Variants in GRM8 observed in about 807,000 individuals in gnomAD.
The protein encoded by GRM8 is metabotropic glutamate receptor 8.
A neutral mutation model predicts 87.2 loss-of-function variants in GRM8; 47 were observed. The observed-to-expected ratio is 0.54, with a 90% CI of 0.43 to 0.69. The LOEUF is 0.69. Among genes scored for constraint, GRM8 ranks in the 30% least tolerant of loss-of-function variants. The pLI, the probability that GRM8 is intolerant of heterozygous loss-of-function variation, is 0.00. For synonymous variants in GRM8, 396 were observed against 404.5 expected (o/e 0.98, Z 0.25); for missense variants, 1,019 against 1,139.2 (o/e 0.89, Z 1.52).
chr7:126,515,238 A>G (rs1004524470), intron 9 of GRM8, among the ~76,000 whole-genome samples: 2 of 152,136 alleles, frequency 1.3e-5, no homozygotes, highest in Admixed American at 6.6e-5. Context: ...TCAAATGTGA[A>G]TTAGGATGCT....
chr7:127,235,615 A>G (rs1040831459), intron 2 of GRM8, among the ~76,000 whole-genome samples: 15 of 152,270 alleles, frequency 9.9e-5, no homozygotes, highest in African/African-American at 2.9e-4. Flanking sequence ...CATCCATATG[A>G]TTAAAAACCA....
intron 3 of GRM8, among the ~76,000 whole-genome samples, chr7:126,919,424 G>A (rs550999405): frequency 4.6e-5 from 7 of 152,270 alleles, no homozygotes; most frequent in Admixed American, 4.6e-4. Flanking sequence ...AAAGCCTACA[G>A]GAGATGAACT....
intron 6 of GRM8, among the ~76,000 whole-genome samples, chr7:126,809,544 T>C (rs774294104): frequency 3.9e-5 from 6 of 152,162 alleles, no homozygotes; most frequent in Non-Finnish European, 8.8e-5. Context: ...TACTCTACAC[T>C]AGCCTTTGTA....
chr7:126,509,896 T>C (rs1811075742), intron 9 of GRM8, among the ~76,000 whole-genome samples: 1 of 152,034 alleles, frequency 6.6e-6, no homozygotes, highest in Non-Finnish European at 1.5e-5. Flanking sequence ...TAGAACTTCA[T>C]AGATGCAAAT....
chr7:126,452,529 G>A (rs1241373310), intron 9 of GRM8, among the ~76,000 whole-genome samples: 1 of 150,930 alleles, frequency 6.6e-6, no homozygotes, highest in Non-Finnish European at 1.5e-5. Flanking sequence ...TGGGTTTTAA[G>A]GAATATAACT....
chr7:126,580,534 T>C (rs1159463173), intron 8 of GRM8, among the ~76,000 whole-genome samples: 1 of 152,152 alleles, frequency 6.6e-6, no homozygotes, highest in African/African-American at 2.4e-5. Flanking sequence ...TGGTCTCCCA[T>C]ATCCAATCAG....
At chr7:126,484,306 C>G (rs1186947097) in intron 9 of GRM8, among the ~76,000 whole-genome samples, 4 of 151,968 alleles carry the variant, frequency 2.6e-5, no homozygotes, top group African/African-American at 4.8e-5. Flanking sequence ...CAAACTCAGC[C>G]CACGTGGTAC....
At position 126,607,967 on chromosome 7, in the gene GRM8, G is replaced by A. The variant is rs553650104; in HGVS notation, c.1494+1395C>T. ...CTGTGAAAAGTCCTACTTTTCTGTG[G>A]AAGAGATGCTGGATGAATGAACTCT... On this transcript the variant is annotated intron_variant, in intron 8 of 10. Coordinates refer to ENST00000339582, the MANE Select transcript of GRM8 (RefSeq NM_000845.3). 3.3e-5 allele frequency among the ~76,000 whole-genome samples: 5 copies of A among 151,434 alleles called. No homozygotes were observed. The South Asian group carries it at 1.0e-3, about 32-fold the overall frequency.
At chr7:126,495,570 C>A (rs1249351696) in intron 9 of GRM8, among the ~76,000 whole-genome samples, 1 of 151,850 alleles carries the variant, frequency 6.6e-6, no homozygotes, top group Non-Finnish European at 1.5e-5. Context: ...TTGGGATTTC[C>A]AGTTTGGGTA....
chr7:127,077,678 C>T (rs1158372664), intron 3 of GRM8, among the ~76,000 whole-genome samples: 1 of 152,204 alleles, frequency 6.6e-6, no homozygotes, highest in Non-Finnish European at 1.5e-5. Flanking sequence ...TAGACATGCC[C>T]ATTTTTTAAT....
chr7:126,800,554 C>A, intron 6 of GRM8, among the ~76,000 whole-genome samples: 1 of 152,140 alleles, frequency 6.6e-6, no homozygotes, highest in East Asian at 1.9e-4. Flanking sequence ...CTTTGACCAG[C>A]CTCTGAGCTT....
chr7:126,573,350 ATAG>A (rs1794841469), intron 8 of GRM8, among the ~76,000 whole-genome samples: 1 of 152,166 alleles, frequency 6.6e-6, no homozygotes, highest in African/African-American at 2.4e-5. Context: ...GTGAGAAGAA[ATAG>A]TAGAGCAAAG....
rs550387076 is a variant in GRM8 at position 126,770,757 on chromosome 7, T to C, written c.1157-692A>G. ...TTAGGTTGGTGTTTATAATTTAATA[T>C]GGAAAAGAAATATATTTTAAATGAA... On this transcript the variant is annotated intron_variant, in intron 6 of 10. Coordinates refer to ENST00000339582, the MANE Select transcript of GRM8 (RefSeq NM_000845.3). Among the ~76,000 whole-genome samples, 176 of 152,210 alleles carry C rather than the reference T, an allele frequency of 1.2e-3. 1 individual carries two copies. The highest frequency in any genetic ancestry group is 4.1e-3 in the African/African-American group (171 of 41,570).
chr7:126,567,376 G>A (rs1199398306), intron 8 of GRM8, among the ~76,000 whole-genome samples: 4 of 150,622 alleles, frequency 2.7e-5, no homozygotes, highest in Admixed American at 6.6e-5. Flanking sequence ...CATGGACACA[G>A]GAAGGGGAAC....
chr7:126,528,372 A>C (rs1220326621), intron 9 of GRM8, among the ~76,000 whole-genome samples: 2 of 152,164 alleles, frequency 1.3e-5, no homozygotes, highest in Non-Finnish European at 2.9e-5. Flanking sequence ...CATTAAACAA[A>C]TATTTTTTAA....
In GRM8 at chr7:126,573,077, T is replaced by C. The variant is rs75177706; in HGVS notation, c.1494+36285A>G. 5.5e-4 allele frequency among the ~76,000 whole-genome samples: 84 copies of C among 152,318 alleles called. 1 individual carries two copies. The East Asian group carries it at 0.016, about 29-fold the overall frequency. ...TAAGAGAAGACAATTCAGGTGACCT[T>C]GATGCCAGCAACATCCTCTTTTAAA... is the stretch of plus-strand genomic sequence containing the variant. On this transcript the variant is annotated intron_variant, in intron 8 of 10. Transcript: ENST00000339582.
At chr7:127,068,209 G>A (rs1308910987) in intron 3 of GRM8, among the ~76,000 whole-genome samples, 3 of 152,252 alleles carry the variant, frequency 2.0e-5, no homozygotes, top group African/African-American at 7.2e-5. Flanking sequence ...CTCAAAAGAT[G>A]TGGGTGGTTT....
intron 9 of GRM8, among the ~76,000 whole-genome samples, chr7:126,502,454 CAA>C (rs1284482048): frequency 2.6e-5 from 4 of 151,998 alleles, no homozygotes; most frequent in African/African-American, 9.7e-5. Flanking sequence ...CTCTAATCCA[CAA>C]AAGTGTCTGC....
intron 3 of GRM8, among the ~76,000 whole-genome samples, chr7:126,923,844 A>G (rs1256863286): frequency 1.3e-5 from 2 of 152,154 alleles, no homozygotes; most frequent in Non-Finnish European, 2.9e-5. Context: ...TGCTTTTAGG[A>G]AGAGAAGAGG....
Sources: allele counts gnomAD v4.1 joint callset (sites outside exome capture counted in the v4.1 genomes callset), GRCh38; gene constraint gnomAD v4.1.1; transcripts MANE v1.5; gene names NCBI Gene and HGNC (gene_info 2026-07-23, HGNC 2026-07-21).